The following RYR3 variants were observed in gnomAD, a reference collection of about 807,000 sequenced individuals.
The protein encoded by RYR3 is ryanodine receptor 3.
A neutral mutation model predicts 584.3 loss-of-function variants in RYR3; 207 were observed. The observed-to-expected ratio is 0.35, with a 90% CI of 0.32 to 0.40. The LOEUF is 0.40. Ranked by LOEUF, RYR3 falls within the 10% of genes least tolerant of loss-of-function variation. RYR3 has a pLI of 1.00. For missense variants in RYR3, 5,616 were observed against 6,089.2 expected, an observed-to-expected ratio of 0.92 and a Z score of 2.59; for synonymous variants, 2,416 against 2,248.5, an observed-to-expected ratio of 1.07 and a Z score of -2.11.
chr15:33,861,475 AT>A (rs1351933811), intron 102 of RYR3, among the ~76,000 whole-genome samples: 1 of 113,428 alleles, frequency 8.8e-6, no homozygotes, highest in African/African-American at 2.6e-5. Context: ...CACCATATAA[AT>A]ATGCTTTTTT....
At chr15:33,810,237 G>A (rs778494310) in intron 70 of RYR3, among the ~76,000 whole-genome samples, 1 of 152,258 alleles carries the variant, frequency 6.6e-6, no homozygotes, top group Non-Finnish European at 1.5e-5. Flanking sequence ...CGTCGGTGAT[G>A]TGTGTTTAGT....
intron 34 of RYR3, among the ~76,000 whole-genome samples, chr15:33,660,822 C>G (rs2063119327): frequency 6.6e-6 from 1 of 152,148 alleles, no homozygotes; most frequent in African/African-American, 2.4e-5. Flanking sequence ...GGGGTTCAAT[C>G]CCATTGCTCT....
intron 1 of RYR3, among the ~76,000 whole-genome samples, chr15:33,403,897 G>A (rs1189456252): frequency 6.6e-6 from 1 of 151,972 alleles, no homozygotes. Flanking sequence ...CTTTCAAATG[G>A]AAGCCAAAAG....
chr15:33,817,193 A>G (rs1201111180), intron 75 of RYR3, among the ~76,000 whole-genome samples: 2 of 152,206 alleles, frequency 1.3e-5, no homozygotes, highest in Non-Finnish European at 2.9e-5. Flanking sequence ...GCTGTTAACA[A>G]CTAATATTTC....
rs143795343 is a variant in RYR3, at chr15:33,839,038, C to T, written c.12978+80C>T. 12,108 of 1,499,648 alleles carry T rather than the reference C, an allele frequency of 8.1e-3. 63 individuals are homozygous for T. Among genetic ancestry groups the T allele is most frequent in the Non-Finnish European group, 9.6e-3 (10,811 of 1,121,988 alleles). 92.9% of individuals were successfully genotyped at this position (1,499,648 alleles called of 1,614,324 possible). On this transcript the variant is annotated intron_variant, in intron 89 of 103. Coordinates refer to ENST00000634891, the MANE Select transcript of RYR3 (RefSeq NM_001036.6). ...CCATATCTTGTAATCAGTACTGACA[C>T]CATTTCCCTAGGAGCCAACACTCTA...
chr15:33,822,621 C>T (rs2077170184), intron 80 of RYR3, among the ~76,000 whole-genome samples: 1 of 152,234 alleles, frequency 6.6e-6, no homozygotes, highest in South Asian at 2.1e-4. Flanking sequence ...GGAAACAAAG[C>T]CTCATTGTGA....
intron 10 of RYR3, among the ~76,000 whole-genome samples, chr15:33,559,885 A>G (rs1170370661): frequency 6.6e-6 from 1 of 152,202 alleles, no homozygotes; most frequent in Non-Finnish European, 1.5e-5. Flanking sequence ...CCAAACAGAA[A>G]GTGTAATGTC....
At chr15:33,500,831 T>C (rs2051914371) in intron 2 of RYR3, among the ~76,000 whole-genome samples, 1 of 152,106 alleles carries the variant, frequency 6.6e-6, no homozygotes, top group South Asian at 2.1e-4. Flanking sequence ...TCAGGCCAGT[T>C]TGGAGTTTAA....
At chr15:33,551,187 A>C (rs1016836133) in intron 10 of RYR3, among the ~76,000 whole-genome samples, 3 of 152,364 alleles carry the variant, frequency 2.0e-5, no homozygotes, top group Admixed American at 6.5e-5. Context: ...AGATCATCCA[A>C]GCATGAGAAG....
rs370699233 is a variant in RYR3, at chr15:33,689,811, CATT to C, written c.5861-6403_5861-6401del. On this transcript the variant is annotated intron_variant, in intron 38 of 103. Coordinates refer to ENST00000634891, the MANE Select transcript of RYR3 (RefSeq NM_001036.6). ...TTGTCTGAGACAACACAGTTTTACT[CATT>C]ATTTTACACTTTATTTTTTATTAAA... Among the ~76,000 whole-genome samples, 716 of 152,214 alleles carry C rather than the reference CATT, an allele frequency of 4.7e-3. 3 individuals carry two copies. The highest frequency in any genetic ancestry group is 0.016 in the African/African-American group (680 of 41,550).
At chr15:33,655,159 A>G (rs748739904) in intron 32 of RYR3, among the ~76,000 whole-genome samples, 2 of 152,180 alleles carry the variant, frequency 1.3e-5, no homozygotes, top group African/African-American at 2.4e-5. Context: ...CCAACCAGCT[A>G]TTTCCAGAAA....
chr15:33,739,875 G>A lies in RYR3; in HGVS notation c.7700G>A (p.Ser2567Asn). 1.9e-6 allele frequency: 3 copies of A among 1,613,770 alleles called. No individual in the cohort carries two copies. Among genetic ancestry groups the A allele is most frequent in the Non-Finnish European group, 8.5e-7 (1 of 1,179,832 alleles). Residue 2567 changes from serine to asparagine, a missense_variant, in exon 51 of 104, where the codon AGT (serine) becomes AAT (asparagine). Ser to Asn is a conservative substitution (Grantham distance 46). Around this residue, in one of 9 missense-constraint regions of RYR3, gnomAD observed 1,280 missense variants for 1,426.2 expected, o/e 0.90. Transcript: ENST00000634891. The part of the protein sequence containing the change: ...DLFRMALPCL[S>N]AIAGALPPDY... ...TTCCGAATGGCCCTGCCTTGTCTCA[G>A]TGCTATAGCTGGGGCCTTGCCACCA...
chr15:33,616,318 C>T (rs947056922), intron 19 of RYR3, among the ~76,000 whole-genome samples: 2 of 152,156 alleles, frequency 1.3e-5, no homozygotes, highest in Non-Finnish European at 1.5e-5. Flanking sequence ...TCATCCCTTC[C>T]GTCTCCCTCA....
At position 33,691,973 on chromosome 15, in the gene RYR3, T is replaced by G. The variant is rs113126315; in HGVS notation, c.5861-4245T>G. The stretch of plus-strand genomic sequence containing the variant: ...CTTAGAATTTTTATGAAAACACATT[T>G]GGACTTAAAGGGTATCTAAAGGGTC... On this transcript the variant is annotated intron_variant, in intron 38 of 103. Coordinates refer to ENST00000634891, the MANE Select transcript of RYR3 (RefSeq NM_001036.6). Among the ~76,000 whole-genome samples, 42 of 152,360 alleles carry G rather than the reference T, an allele frequency of 2.8e-4. 1 individual carries two copies. The highest frequency in any genetic ancestry group is 9.9e-4 in the African/African-American group (41 of 41,570).
intron 81 of RYR3, among the ~76,000 whole-genome samples, 151 bp downstream of exon 81, chr15:33,823,223 C>T (rs2077201129): frequency 6.6e-6 from 1 of 152,142 alleles, no homozygotes; most frequent in Non-Finnish European, 1.5e-5. Flanking sequence ...AGGTGTTGTT[C>T]CTCCAGCCTT....
chr15:33,774,578 T>C (rs2073863646), intron 64 of RYR3, among the ~76,000 whole-genome samples: 1 of 152,234 alleles, frequency 6.6e-6, no homozygotes, highest in African/African-American at 2.4e-5. Flanking sequence ...AACTACTGAC[T>C]TGAAGTCATG....
chr15:33,563,318 A>G (rs2152484992), intron 11 of RYR3, among the ~76,000 whole-genome samples: 1 of 152,338 alleles, frequency 6.6e-6, no homozygotes, highest in South Asian at 2.1e-4. Flanking sequence ...GATTATCCAC[A>G]TCATTGCTGC....
chr15:33,846,867 A>C (rs2078754877), intron 93 of RYR3, among the ~76,000 whole-genome samples: 1 of 152,238 alleles, frequency 6.6e-6, no homozygotes, highest in East Asian at 1.9e-4. Context: ...ACACATAGTA[A>C]ACCCTCAAGC....
intron 12 of RYR3, among the ~76,000 whole-genome samples, chr15:33,571,697 T>A (rs533049373): frequency 6.6e-6 from 1 of 152,326 alleles, no homozygotes; most frequent in South Asian, 2.1e-4. Flanking sequence ...TCCTTGAATA[T>A]AAAGTGTGTC....
Sources: allele counts gnomAD v4.1 joint callset (sites outside exome capture counted in the v4.1 genomes callset), GRCh38; gene constraint gnomAD v4.1.1; regional missense constraint gnomAD v4.1.1; transcripts MANE v1.5; gene names NCBI Gene and HGNC (gene_info 2026-07-23, HGNC 2026-07-21).